PIK3R5: variants seen among roughly 807,000 people sequenced by gnomAD.
PIK3R5 encodes phosphoinositide 3-kinase regulatory subunit 5.
In PIK3R5, 32 loss-of-function variants were observed where a neutral mutation model predicts 94.9. The ratio of observed to expected loss-of-function variants is 0.34; its 90% CI spans 0.25 to 0.45. The LOEUF (loss-of-function observed/expected upper bound fraction) is 0.45. PIK3R5 is among the 20% of genes least tolerant of loss of function. The pLI is 1.00. For synonymous variants in PIK3R5, 443 were observed against 479.4 expected, an observed-to-expected ratio of 0.92 and a Z score of 0.99; for missense variants, 853 against 1,144.6, an observed-to-expected ratio of 0.75 and a Z score of 3.68.
At position 8,889,053 on chromosome 17, in the gene PIK3R5, C is replaced by A. The variant is rs527445645; in HGVS notation, c.895+86G>T. 1 of 1,518,326 alleles carries A rather than the reference C, an allele frequency of 6.6e-7. No individual in the cohort carries two copies. The highest frequency in any genetic ancestry group is 8.9e-7 in the Non-Finnish European group (1 of 1,121,182). 94.1% of individuals were successfully genotyped at this position (1,518,326 alleles called of 1,614,324 possible). A position where few individuals can be genotyped will look rare whatever the true frequency, so the allele number is the denominator to read the frequency against. Reference sequence around the variant, plus strand: ...TGCTCATGTGGGAGAGCTTTGGGGACGGGGTGGGAGCTGCATGGACCCAGG... The same window carrying A: ...TGCTCATGTGGGAGAGCTTTGGGGAAGGGGTGGGAGCTGCATGGACCCAGG... On this transcript the variant is annotated intron_variant, in intron 9 of 18. Coordinates refer to ENST00000447110, the MANE Select transcript of PIK3R5 (RefSeq NM_001142633.3). The surrounding 1 kb of genome is among the most constrained non-coding windows in gnomAD (Gnocchi z 4.1).
At position 8,881,189 on chromosome 17, in the gene PIK3R5, T is replaced by C. The variant is rs1264859954; in HGVS notation, c.2383-172A>G. Among the ~76,000 whole-genome samples the C allele has an allele frequency of 1.3e-5, 2 of 152,056 alleles. No individual in the cohort carries two copies. Among genetic ancestry groups the C allele is most frequent in the South Asian group, 4.1e-4 (2 of 4,824 alleles). ...AGGTCACAGGAGGGAGCCTGAGGCC[T>C]CCATCAGCCCCTGCCTCCTCTCCAG... On this transcript the variant is annotated intron_variant, in intron 17 of 18. Coordinates refer to ENST00000447110, the MANE Select transcript of PIK3R5 (RefSeq NM_001142633.3). This position sits in a 1 kb window ranked among gnomAD's most constrained non-coding sequence, Gnocchi z 4.8.
intron 1 of PIK3R5, among the ~76,000 whole-genome samples, chr17:8,938,041 C>T (rs2091108182): frequency 6.6e-6 from 1 of 152,148 alleles, no homozygotes; most frequent in Non-Finnish European, 1.5e-5. Flanking sequence ...GAACGCCTGA[C>T]CTCAGGTGAT....
At position 8,886,312 on chromosome 17, in the gene PIK3R5, A is replaced by T; in HGVS notation, c.2045T>A (p.Ile682Asn). Reference protein sequence around the residue: ...LQVYQTELTFITGEKTTEIFI... With the variant: ...LQVYQTELTFNTGEKTTEIFI... Reference sequence around the variant, plus strand: ...GATCTCTGTCGTCTTCTCCCCAGTGATGAAGGTCAGCTGGAGAGGGCAGGA... The same window carrying T: ...GATCTCTGTCGTCTTCTCCCCAGTGTTGAAGGTCAGCTGGAGAGGGCAGGA... Residue 682 changes from isoleucine (I) to asparagine (N), a missense_variant, in exon 14 of 19, where the codon ATC becomes AAC. Around this residue, in one of 6 missense-constraint regions of PIK3R5, gnomAD observed 173 missense variants for 274.1 expected, o/e 0.63. Transcript: ENST00000447110. 2 of 1,613,328 alleles carry T rather than the reference A, an allele frequency of 1.2e-6. No homozygotes were observed. Among genetic ancestry groups the T allele is most frequent in the Non-Finnish European group, 1.7e-6 (2 of 1,179,554 alleles).
In PIK3R5 at chr17:8,911,446, G is replaced by A; in HGVS notation, c.49C>T (p.Leu17=). 1.2e-6 allele frequency: 2 copies of A among 1,600,028 alleles called. No homozygotes were observed. The highest frequency in any genetic ancestry group is 1.7e-6 in the Non-Finnish European group (2 of 1,179,926). ...TCTEDRIQHA[L]ERCLHGLSLS... The stretch of plus-strand genomic sequence containing the variant: ...CTGAGTCCATGCAGGCAGCGTTCCA[G>A]GGCATGCTGGATGCGGTCCTCCGTG... The change falls in exon 2 of 19, where the codon CTG becomes TTG. Residue 17 remains leucine (L), a synonymous_variant. Coordinates refer to ENST00000447110, the MANE Select transcript of PIK3R5 (RefSeq NM_001142633.3). This position sits in a 1 kb window ranked among gnomAD's most constrained non-coding sequence, Gnocchi z 5.3.
At position 8,904,967 on chromosome 17, in the gene PIK3R5, G is replaced by A. The variant is rs1412891913; in HGVS notation, c.274-52C>T. ...AGAGATCTAGGTGAGAAAAGGCTCA[G>A]ATAGTCCCAGACAGCTTCTGCTCCC... On this transcript the variant is annotated intron_variant, in intron 4 of 18. Transcript: ENST00000447110. The surrounding 1 kb of genome is among the most constrained non-coding windows in gnomAD (Gnocchi z 5.1). 2.5e-6 allele frequency: 4 copies of A among 1,577,752 alleles called. No homozygotes were observed. The highest frequency in any genetic ancestry group is 1.7e-6 in the Non-Finnish European group (2 of 1,157,360).
intron 18 of PIK3R5, 52 bp from the exon 19 acceptor site, chr17:8,880,838 C>A: frequency 1.2e-6 from 2 of 1,613,202 alleles, no homozygotes; most frequent in African/African-American, 1.3e-5. Context: ...ATCCTTCCAG[C>A]TCCTTCCAGG....
intron 18 of PIK3R5, 49 bp from the exon 19 acceptor site, chr17:8,880,835 C>T (rs370938075): frequency 3.2e-4 from 513 of 1,612,976 alleles, no homozygotes; most frequent in Non-Finnish European, 7.4e-5. Flanking sequence ...CCCATCCTTC[C>T]AGCTCCTTCC....
At chr17:8,928,265 T>C (rs2090926110) in intron 1 of PIK3R5, among the ~76,000 whole-genome samples, 1 of 151,974 alleles carries the variant, frequency 6.6e-6, no homozygotes, top group African/African-American at 2.4e-5. Context: ...AACTTGGCAA[T>C]GGAGGCTGAG....
At position 8,925,206 on chromosome 17, in the gene PIK3R5, AGATAGATAGATAGTAGATG is replaced by A. The variant is rs2090851376; in HGVS notation, c.-13-13718_-13-13700del. Among the ~76,000 whole-genome samples the A allele has an allele frequency of 6.6e-6, 1 of 150,942 alleles. No homozygotes were observed. The highest frequency in any genetic ancestry group is 1.5e-5 in the Non-Finnish European group (1 of 67,858). Reference sequence around the variant, plus strand: ...ATAGATAGACAGAAAGTAGATGGATAGATAGATAGATAGTAGATGGATAGATAGATAGTAGATGGGTAGA... The same window carrying A: ...ATAGATAGACAGAAAGTAGATGGATAGATAGATAGATAGTAGATGGGTAGA... On this transcript the variant is annotated intron_variant, in intron 1 of 18. Transcript: ENST00000447110. This position sits in a 1 kb window ranked among gnomAD's most constrained non-coding sequence, Gnocchi z 5.1.
chr17:8,955,583 A>G lies in PIK3R5; in HGVS notation c.-14+10013T>C, dbSNP rs2091454400. Among the ~76,000 whole-genome samples, 2 of 152,208 alleles carry G rather than the reference A, an allele frequency of 1.3e-5. No individual in the cohort carries two copies. Among genetic ancestry groups the G allele is most frequent in the African/African-American group, 4.8e-5 (2 of 41,450 alleles). ...TTTTCATAAGAAGAATCTCCTGGTG[A>G]AGAGAGGAAGAGCCTGTGGTCCAAA... On this transcript the variant is annotated intron_variant, in intron 1 of 18. Transcript: ENST00000447110. The surrounding 1 kb of genome is among the most constrained non-coding windows in gnomAD (Gnocchi z 4.4).
At chr17:8,931,988 G>A (rs1439128658) in intron 1 of PIK3R5, among the ~76,000 whole-genome samples, 1 of 152,100 alleles carries the variant, frequency 6.6e-6, no homozygotes, top group Non-Finnish European at 1.5e-5. Context: ...AAATCCAGAC[G>A]CTCAACAGTG....
Position 8,880,687 on chromosome 17 carries a change from G to A in PIK3R5, c.2595C>T (p.Cys865=). The change falls in exon 19 of 19, where the codon TGC becomes TGT. Residue 865 remains cysteine, a synonymous_variant. Transcript: ENST00000447110. ...TCATGATGGGCAGGCAGAGAAGGGAGCAGAGATCAGGTGCGGCCTGGGCCG... is the reference window on the plus strand; with the variant it reads ...TCATGATGGGCAGGCAGAGAAGGGAACAGAGATCAGGTGCGGCCTGGGCCG... The part of the protein sequence containing the change: ...DLPAQAAPDL[C]SLLCLPIMTF... 2 of 1,613,826 alleles carry A rather than the reference G, an allele frequency of 1.2e-6. No homozygotes were observed. The highest frequency in any genetic ancestry group is 1.7e-6 in the Non-Finnish European group (2 of 1,179,904).
intron 1 of PIK3R5, among the ~76,000 whole-genome samples, chr17:8,949,044 G>A (rs1191795813): frequency 2.0e-5 from 3 of 152,132 alleles, no homozygotes; most frequent in Non-Finnish European, 4.4e-5. Flanking sequence ...ATTCAGGCAT[G>A]AATCTCATGG....
rs1010238669 is a variant in PIK3R5, at chr17:8,882,970, G to C, written c.2206-1089C>G. On this transcript the variant is annotated intron_variant, in intron 15 of 18. Transcript: ENST00000447110. The surrounding 1 kb of genome is among the most constrained non-coding windows in gnomAD (Gnocchi z 4.1). ...ATCTGTCCTCCACAGAGCTGCCAGA[G>C]GGAGCTTCCAAGCCTCAGATATAAT... Among the ~76,000 whole-genome samples the C allele has an allele frequency of 6.6e-6, 1 of 152,218 alleles. No individual in the cohort carries two copies. The highest frequency in any genetic ancestry group is 2.4e-5 in the African/African-American group (1 of 41,448).
At position 8,884,546 on chromosome 17, in the gene PIK3R5, C is replaced by T. The variant is rs928430301; in HGVS notation, c.2205+161G>A. Among the ~76,000 whole-genome samples the T allele has an allele frequency of 2.6e-5, 4 of 152,166 alleles. No homozygotes were observed. The highest frequency in any genetic ancestry group is 6.5e-5 in the Admixed American group (1 of 15,284). On this transcript the variant is annotated intron_variant, in intron 15 of 18. Transcript: ENST00000447110. The surrounding 1 kb of genome is among the most constrained non-coding windows in gnomAD (Gnocchi z 5.8). Reference sequence around the variant, plus strand: ...AGAAGCACAGAGATATCCACTCCTTCCCTTCTCTGCTTCTCTCAGCATCCA... The same window carrying T: ...AGAAGCACAGAGATATCCACTCCTTTCCTTCTCTGCTTCTCTCAGCATCCA...
chr17:8,918,939 A>G (rs780123090), intron 1 of PIK3R5, among the ~76,000 whole-genome samples: 8 of 152,190 alleles, frequency 5.3e-5, no homozygotes, highest in African/African-American at 1.2e-4. Context: ...CATAACTACA[A>G]TCATGAGAAA....
intron 1 of PIK3R5, among the ~76,000 whole-genome samples, chr17:8,938,838 G>C (rs2091123718): frequency 6.6e-6 from 1 of 152,312 alleles, no homozygotes; most frequent in Non-Finnish European, 1.5e-5. Flanking sequence ...TATGGACCAA[G>C]ATTCATATTG....
intron 1 of PIK3R5, among the ~76,000 whole-genome samples, chr17:8,929,972 A>G (rs1391601184): frequency 6.6e-6 from 1 of 152,240 alleles, no homozygotes; most frequent in East Asian, 1.9e-4. Context: ...ATTTAAAAAC[A>G]GTAAAAAACA....
At chr17:8,930,622 T>C (rs763917402) in intron 1 of PIK3R5, among the ~76,000 whole-genome samples, 5 of 152,244 alleles carry the variant, frequency 3.3e-5, no homozygotes, top group Non-Finnish European at 7.3e-5. Flanking sequence ...ACAAACTAAA[T>C]GTCTTTCAAT....
Sources: allele counts gnomAD v4.1 joint callset (sites outside exome capture counted in the v4.1 genomes callset), GRCh38; gene constraint gnomAD v4.1.1; regional missense constraint gnomAD v4.1.1; non-coding constraint Gnocchi (gnomAD v3.1); transcripts MANE v1.5; gene names NCBI Gene and HGNC (gene_info 2026-07-23, HGNC 2026-07-21).